Variants in PAX8 observed in about 807,000 individuals in gnomAD.
PAX8 encodes the protein paired box protein Pax-8.
PAX8 carries 15 observed loss-of-function variants against 52.4 expected under a neutral mutation model. The observed-to-expected ratio is 0.29, with a 90% CI of 0.19 to 0.44. The LOEUF (loss-of-function observed/expected upper bound fraction) is 0.44, where lower values mean the gene tolerates loss of function less well. PAX8 is among the 20% of genes least tolerant of loss of function. The pLI, the probability that PAX8 is intolerant of heterozygous loss-of-function variation, is 1.00. For missense variants in PAX8, 554 were observed against 602.5 expected (o/e 0.92, Z 0.84); for synonymous variants, 284 against 249.7 (o/e 1.14, Z -1.29).
chr2:113,234,038 G>A (rs1241886740), intron 9 of PAX8, among the ~76,000 whole-genome samples: 1 of 152,192 alleles, frequency 6.6e-6, no homozygotes, highest in Non-Finnish European at 1.5e-5. Flanking sequence ...GAGGTGAAGA[G>A]GCATTTACTT....
At chr2:113,264,018 A>G (rs1468566412) in intron 2 of PAX8, among the ~76,000 whole-genome samples, 1 of 152,264 alleles carries the variant, frequency 6.6e-6, no homozygotes, top group African/African-American at 2.4e-5. Flanking sequence ...CACTTAGTAT[A>G]TGTCTACTAT....
intron 4 of PAX8, among the ~76,000 whole-genome samples, chr2:113,243,614 A>C (rs1396688481): frequency 6.6e-6 from 1 of 152,112 alleles, no homozygotes; most frequent in East Asian, 1.9e-4. Context: ...TTGGTCTCGA[A>C]CGCCTGATCT....
At chr2:113,246,435 T>C (rs931474728) in intron 3 of PAX8, among the ~76,000 whole-genome samples, 13 of 152,220 alleles carry the variant, frequency 8.5e-5, no homozygotes, top group Non-Finnish European at 1.8e-4. Context: ...GAGGAGGACC[T>C]TGGGGGAAGA....
Position 113,236,643 on chromosome 2 carries a change from C to G in PAX8, c.856G>C (p.Gly286Arg). 1 of 1,595,144 alleles carries G rather than the reference C, an allele frequency of 6.3e-7. No homozygotes were observed. Among genetic ancestry groups the G allele is most frequent in the South Asian group, 1.1e-5 (1 of 87,600 alleles). ...GTCTGGTGAGTCGAGAGGTTGCGCC[C>G]CAGTGGCGTGTTGGAAGGGGTCAGG... ...ATLTPSNTPLGRNLSTHQTYP... is the reference protein window; with the variant it reads ...ATLTPSNTPLRRNLSTHQTYP... The change falls in exon 8 of 12, where the codon GGG becomes CGG. Residue 286 changes from glycine to arginine, a missense_variant. Gly to Arg is a moderately radical substitution (Grantham distance 125). This residue lies in a region of PAX8 where 445 missense variants were observed against 409.9 expected (regional missense o/e 1.09). Transcript: ENST00000429538.
At position 113,227,253 on chromosome 2, in the gene PAX8, C is replaced by T. The variant is rs370348569; in HGVS notation, c.1091G>A (p.Arg364Gln). ...QFTGQALLSG[R>Q]EMVGPTLPGY... ...GGGCAGCGTGGGCCCCACCATCTCTCGCCCTGGAAAAATACAGCAAAGAGT... is the reference window on the plus strand; with the variant it reads ...GGGCAGCGTGGGCCCCACCATCTCTTGCCCTGGAAAAATACAGCAAAGAGT... Residue 364 changes from arginine to glutamine, a missense_variant, in exon 10 of 12, where the codon CGA becomes CAA. Coordinates refer to ENST00000429538, the MANE Select transcript of PAX8 (RefSeq NM_003466.4). 72 of 1,607,906 alleles carry T rather than the reference C, an allele frequency of 4.5e-5. 1 individual carries two copies. The highest frequency in any genetic ancestry group is 3.2e-4 in the Admixed American group (19 of 59,118).
At chr2:113,276,731 G>C (rs975591818) in intron 2 of PAX8, 20 of 152,022 alleles carry the variant, frequency 1.3e-4, no homozygotes, top group African/African-American at 4.6e-4. Context: ...AGAGAGTAAG[G>C]GTCCAGCCCG....
chr2:113,226,913 G>C (rs140573569), intron 10 of PAX8: 2 of 1,407,106 alleles, frequency 1.4e-6, no homozygotes, highest in African/African-American at 1.4e-5. Flanking sequence ...TTTCATCATG[G>C]AGGGTAATGT....
chr2:113,216,846 A>G lies in PAX8; in HGVS notation c.*1687T>C, dbSNP rs2104407096. 1 of 228,122 alleles carries G rather than the reference A, an allele frequency of 4.4e-6. No homozygotes were observed. The highest frequency in any genetic ancestry group is 1.3e-3 in the Middle Eastern group (1 of 758). The allele number at this position is 228,122 out of a possible 1,614,324, so 14.1% of individuals were successfully genotyped here. ...GACTTGGTTGAATCTACTACTTTTC[A>G]TCTTGGACAAGACATCTCATTTTTT... On this transcript the variant is annotated 3_prime_UTR_variant, in exon 12 of 12. Coordinates refer to ENST00000429538, the MANE Select transcript of PAX8 (RefSeq NM_003466.4).
intron 2 of PAX8, among the ~76,000 whole-genome samples, 196 bp downstream of exon 2, chr2:113,278,174 C>T (rs1693962468): frequency 6.6e-6 from 1 of 152,234 alleles, no homozygotes; most frequent in Middle Eastern, 3.2e-3. Context: ...CTCAGCTGGC[C>T]GGGTGGAACC....
intron 4 of PAX8, 45 bp from the exon 5 acceptor site, chr2:113,242,823 G>C: frequency 1.4e-6 from 2 of 1,466,554 alleles, no homozygotes; most frequent in Non-Finnish European, 1.9e-6. Context: ...GAGGAGGAAA[G>C]AGAACTCATG....
intron 2 of PAX8, chr2:113,276,178 A>G (rs1206275036): frequency 6.6e-6 from 1 of 152,216 alleles, no homozygotes; most frequent in Non-Finnish European, 1.5e-5. Context: ...TCCGCTTATG[A>G]GTTTAGCTCC....
intron 10 of PAX8, among the ~76,000 whole-genome samples, chr2:113,221,857 G>C (rs75141071): frequency 6.6e-6 from 1 of 151,866 alleles, no homozygotes; most frequent in Middle Eastern, 3.2e-3. Flanking sequence ...AGTCAATGAC[G>C]GACTGAGAAC....
intron 10 of PAX8, among the ~76,000 whole-genome samples, chr2:113,223,212 C>T (rs943013674): frequency 6.6e-6 from 1 of 152,140 alleles, no homozygotes; most frequent in African/African-American, 2.4e-5. Context: ...ACTTCCCCTC[C>T]TGGTCTGCCA....
intron 11 of PAX8, 36 bp downstream of exon 11, chr2:113,220,056 T>A: frequency 6.6e-7 from 1 of 1,524,472 alleles, no homozygotes; most frequent in Non-Finnish European, 9.0e-7. Flanking sequence ...CCATCCATCC[T>A]GCCCAGCAGA....
chr2:113,268,149 G>A (rs143694632), intron 2 of PAX8: 3 of 152,382 alleles, frequency 2.0e-5, no homozygotes, highest in African/African-American at 4.8e-5. Flanking sequence ...ATGCATGTGA[G>A]TGTGCATGGG....
In PAX8 at chr2:113,256,842, C is replaced by A. The variant is rs187059463; in HGVS notation, c.26-9923G>T. On this transcript the variant is annotated intron_variant, in intron 2 of 11. Coordinates refer to ENST00000429538, the MANE Select transcript of PAX8 (RefSeq NM_003466.4). ...ACTTTGGCATGAATTTCTGTCACTT[C>A]TTTCTGTCTTTCCTTCTAAGTGTGC... Among the ~76,000 whole-genome samples, 7 of 152,240 alleles carry A rather than the reference C, an allele frequency of 4.6e-5. No homozygotes were observed. In the East Asian group the frequency reaches 1.4e-3, roughly 29 times the overall value.
intron 7 of PAX8, chr2:113,238,882 G>T (rs576270011): frequency 7.2e-6 from 1 of 137,980 alleles, no homozygotes; most frequent in Non-Finnish European, 1.6e-5. Flanking sequence ...TTTCAGAATC[G>T]TGAAGAGTCA....
intron 2 of PAX8, among the ~76,000 whole-genome samples, chr2:113,261,396 G>A (rs552803308): frequency 6.2e-4 from 95 of 152,258 alleles, no homozygotes; most frequent in African/African-American, 2.2e-3. Context: ...AGCTCTAGAG[G>A]GAAACATTGA....
intron 7 of PAX8, chr2:113,236,974 G>A (rs1690413925): frequency 3.7e-6 from 2 of 534,600 alleles, no homozygotes; most frequent in African/African-American, 1.9e-5. Context: ...CTCAGCCAGA[G>A]GACCACACCC....
Sources: allele counts gnomAD v4.1 joint callset (sites outside exome capture counted in the v4.1 genomes callset), GRCh38; gene constraint gnomAD v4.1.1; regional missense constraint gnomAD v4.1.1; transcripts MANE v1.5; gene names NCBI Gene and HGNC (gene_info 2026-07-23, HGNC 2026-07-21).